The following PTDSS1 variants were observed in gnomAD, a reference collection of about 807,000 sequenced individuals.
PTDSS1 encodes the protein phosphatidylserine synthase 1, also known as PSS-1.
A neutral mutation model predicts 70.5 loss-of-function variants in PTDSS1; 45 were observed. That is an observed-to-expected ratio of 0.64 (90% CI 0.50 to 0.82). PTDSS1 has a LOEUF of 0.82. PTDSS1 is among the 40% of genes least tolerant of loss of function. The probability of loss-of-function intolerance (pLI) is 0.00; values close to 1 mark genes in which losing one functional copy is unlikely to be tolerated. For missense variants in PTDSS1, 417 were observed against 586.1 expected, an observed-to-expected ratio of 0.71 and a Z score of 2.98; for synonymous variants, 188 against 203.8, an observed-to-expected ratio of 0.92 and a Z score of 0.66.
At position 96,304,053 on chromosome 8, in the gene PTDSS1, A is replaced by T. The variant is rs1170399535; in HGVS notation, c.766A>T (p.Thr256Ser). Residue 256 changes from threonine (T) to serine (S), a missense_variant, in exon 7 of 13, where the codon ACC (threonine) becomes TCC (serine). Coordinates refer to ENST00000517309, the MANE Select transcript of PTDSS1 (RefSeq NM_014754.3). The part of the protein sequence containing the change: ...HWASFKDIHT[T>S]TGKIKRAVLQ... ...CTCTTCTTACAGGGACATTCATACC[A>T]CCACCGGGAAGATCAAGAGAGCTGT... 1 of 1,609,542 alleles carries T rather than the reference A, an allele frequency of 6.2e-7. No homozygotes were observed. The highest frequency in any genetic ancestry group is 1.3e-5 in the African/African-American group (1 of 74,386).
intron 9 of PTDSS1, among the ~76,000 whole-genome samples, chr8:96,314,257 G>T (rs1450978368): frequency 6.6e-6 from 1 of 152,152 alleles, no homozygotes; most frequent in Non-Finnish European, 1.5e-5. Flanking sequence ...ATGTTGCCCA[G>T]GCTGGTCTTG....
chr8:96,273,234 T>A, intron 1 of PTDSS1, 65 bp from the exon 2 acceptor site: 1 of 1,208,432 alleles, frequency 8.3e-7, no homozygotes, highest in Non-Finnish European at 1.2e-6. Context: ...ATGGAAATCT[T>A]CCTTCCTCTA....
At chr8:96,318,483 T>C (rs1032288885) in intron 9 of PTDSS1, among the ~76,000 whole-genome samples, 2 of 152,184 alleles carry the variant, frequency 1.3e-5, no homozygotes, top group African/African-American at 4.8e-5. Context: ...GAGCCAAAGA[T>C]GAAATCATCC....
chr8:96,287,350 AG>A, intron 4 of PTDSS1: 1 of 611,952 alleles, frequency 1.6e-6, no homozygotes, highest in Non-Finnish European at 2.7e-6. Flanking sequence ...CATTACGCAA[AG>A]GGGTCTGTGA....
rs1810587110 is a variant in PTDSS1 at position 96,272,928 on chromosome 8, A to C, written c.180-371A>C. Among the ~76,000 whole-genome samples the C allele has an allele frequency of 1.3e-5, 2 of 152,218 alleles. 1 individual carries two copies. Among genetic ancestry groups the C allele is most frequent in the South Asian group, 4.1e-4 (2 of 4,828 alleles). On this transcript the variant is annotated intron_variant, in intron 1 of 12. Transcript: ENST00000517309. ...CTCCCTACCTAAGCCAGAAGGCATC[A>C]CAGGTACCCTAGTAAAGATCAGGCT...
chr8:96,317,083 GGA>G (rs1180673539), intron 9 of PTDSS1, among the ~76,000 whole-genome samples: 6 of 139,710 alleles, frequency 4.3e-5, no homozygotes, highest in Non-Finnish European at 7.8e-5. Flanking sequence ...ATATATATAT[GGA>G]GAGAGAGAGA....
chr8:96,301,278 T>C (rs1344243352), intron 6 of PTDSS1, among the ~76,000 whole-genome samples: 1 of 151,926 alleles, frequency 6.6e-6, no homozygotes, highest in Non-Finnish European at 1.5e-5. Flanking sequence ...TTGTTTTTAG[T>C]AGAGATGGGG....
intron 10 of PTDSS1, among the ~76,000 whole-genome samples, chr8:96,323,281 T>C (rs964988089): frequency 9.9e-5 from 15 of 152,210 alleles, no homozygotes; most frequent in African/African-American, 3.6e-4. Context: ...CCACTGCTCC[T>C]CTCTGGTGGC....
chr8:96,313,573 G>A (rs1432841709), intron 9 of PTDSS1, among the ~76,000 whole-genome samples: 1 of 152,182 alleles, frequency 6.6e-6, no homozygotes, highest in Non-Finnish European at 1.5e-5. Context: ...GAGGAAGGTG[G>A]CCAAGCGTCG....
rs33916906 is a variant in PTDSS1 at position 96,317,071 on chromosome 8, G to GTGTGTGTGTGTGTA, written c.1074-3174_1074-3173insGTGTGTGTGTGTAT. 3.4e-5 allele frequency among the ~76,000 whole-genome samples: 5 copies of GTGTGTGTGTGTGTA among 148,622 alleles called. No individual in the cohort carries two copies. In the South Asian group the frequency reaches 8.5e-4, roughly 25 times the overall value. On this transcript the variant is annotated intron_variant, in intron 9 of 12. Coordinates refer to ENST00000517309, the MANE Select transcript of PTDSS1 (RefSeq NM_014754.3). Reference sequence around the variant, plus strand: ...TGTATATATATATGTGTGTGTGTGTGTATATATATATGGAGAGAGAGAGAG... The same window carrying GTGTGTGTGTGTGTA: ...TGTATATATATATGTGTGTGTGTGTGTGTGTGTGTGTGTATATATATATATGGAGAGAGAGAGAG...
intron 9 of PTDSS1, among the ~76,000 whole-genome samples, 157 bp downstream of exon 9, chr8:96,309,779 A>T (rs1178695500): frequency 1.3e-5 from 2 of 150,690 alleles, no homozygotes; most frequent in East Asian, 3.9e-4. Context: ...ATATATACAT[A>T]GATATATCTT....
intron 9 of PTDSS1, among the ~76,000 whole-genome samples, chr8:96,318,902 CTTTTTTTTTT>C (rs71267241): frequency 1.3e-4 from 6 of 46,168 alleles, no homozygotes; most frequent in African/African-American, 2.3e-4. Context: ...CCCTTCTTGC[CTTTTTTTTTT>C]TTTTTTTTTT....
chr8:96,293,890 A>G (rs1277444447), intron 4 of PTDSS1, among the ~76,000 whole-genome samples: 1 of 139,598 alleles, frequency 7.2e-6, no homozygotes, highest in African/African-American at 3.4e-5. Context: ...AACCTAATAT[A>G]CAACCTGCTT....
chr8:96,276,974 GCGCGCGCA>G (rs1810654497), intron 2 of PTDSS1, among the ~76,000 whole-genome samples: 6 of 114,146 alleles, frequency 5.3e-5, no homozygotes, highest in African/African-American at 1.1e-4. Context: ...ACGCGCGCAC[GCGCGCGCA>G]CACACACACA....
Position 96,273,614 on chromosome 8 carries a change from G to C in PTDSS1, c.271+224G>C, listed in dbSNP as rs10100387. Among the ~76,000 whole-genome samples, 25,385 of 152,186 alleles carry C rather than the reference G, an allele frequency of 0.17. 3,805 individuals are homozygous for C. Among genetic ancestry groups the C allele is most frequent in the African/African-American group, 0.41 (16,811 of 41,460 alleles). ...TCAGTTTCCTTCTATAAAATGGAGA[G>C]AGCAGACAGGTACGGTTGTGAGGGT... On this transcript the variant is annotated intron_variant, in intron 2 of 12. Transcript: ENST00000517309.
rs138611216 is a variant in PTDSS1, at chr8:96,333,710, G to C, written c.*144G>C. 2.0e-5 allele frequency: 16 copies of C among 813,024 alleles called. No homozygotes were observed. Among genetic ancestry groups the C allele is most frequent in the African/African-American group, 1.7e-4 (10 of 59,064 alleles). 50.4% of individuals were successfully genotyped at this position (813,024 alleles called of 1,614,324 possible). The stretch of plus-strand genomic sequence containing the variant: ...CACTTGGGGGTCATTATTTGAGATC[G>C]TAAGTCTTGTTTCCCACAGACCTGG... On this transcript the variant is annotated 3_prime_UTR_variant, in exon 13 of 13. Transcript: ENST00000517309.
intron 2 of PTDSS1, among the ~76,000 whole-genome samples, chr8:96,277,717 C>G (rs997467969): frequency 1.3e-5 from 2 of 152,194 alleles, no homozygotes; most frequent in African/African-American, 4.8e-5. Context: ...CCATTTGTCT[C>G]ATCACGTATG....
intron 1 of PTDSS1, among the ~76,000 whole-genome samples, chr8:96,266,734 T>C (rs1305876009): frequency 1.3e-5 from 2 of 152,226 alleles, no homozygotes; most frequent in Admixed American, 1.3e-4. Context: ...AGGTGAACAT[T>C]GTGTTAGGTT....
chr8:96,331,461 G>A (rs1811515291), intron 12 of PTDSS1, among the ~76,000 whole-genome samples: 1 of 152,016 alleles, frequency 6.6e-6, no homozygotes, highest in Non-Finnish European at 1.5e-5. Flanking sequence ...CCTGGAAGGC[G>A]GAGGTTGCCA....
Sources: gnomAD v4.1 joint callset for allele counts (sites outside exome capture counted in the v4.1 genomes callset) on GRCh38, gnomAD v4.1.1 for gene constraint, MANE v1.5 for transcripts, NCBI Gene and HGNC (gene_info 2026-07-23, HGNC 2026-07-21) for gene names.